The following RAPGEF4 variants were observed in gnomAD, a reference collection of about 807,000 sequenced individuals.
The protein encoded by RAPGEF4 is Rap guanine nucleotide exchange factor 4.
RAPGEF4 carries 66 observed loss-of-function variants against 147.9 expected under a neutral mutation model. The ratio of observed to expected loss-of-function variants is 0.45; its 90% confidence interval spans 0.37 to 0.55. The LOEUF is 0.55. RAPGEF4 is among the 20% of genes least tolerant of loss of function. The pLI is 0.00. For missense variants in RAPGEF4, 1,071 were observed against 1,257.3 expected, an observed-to-expected ratio of 0.85 and a Z score of 2.24; for synonymous variants, 419 against 442.7, an observed-to-expected ratio of 0.95 and a Z score of 0.67.
rs1253232284 is a variant in RAPGEF4, at chr2:173,052,413, A to G, written c.*646A>G. The G allele has an allele frequency of 6.6e-6, 1 of 152,670 alleles. No individual in the cohort carries two copies. The highest frequency in any genetic ancestry group is 2.4e-5 in the African/African-American group (1 of 41,468). The allele number at this position is 152,670 out of a possible 1,614,324, so 9.5% of individuals were successfully genotyped here. On this transcript the variant is annotated 3_prime_UTR_variant, in exon 31 of 31. Coordinates refer to ENST00000397081, the MANE Select transcript of RAPGEF4 (RefSeq NM_007023.4). ...ACAATGTAACTTTTCAAAATTTACAAATCAGGATTATATACATAAGAATTC... is the reference window on the plus strand; with the variant it reads ...ACAATGTAACTTTTCAAAATTTACAGATCAGGATTATATACATAAGAATTC...
chr2:172,816,778 T>C (rs1253929749), intron 4 of RAPGEF4, among the ~76,000 whole-genome samples: 2 of 152,182 alleles, frequency 1.3e-5, no homozygotes, highest in Non-Finnish European at 2.9e-5. Flanking sequence ...CATTTGGAAT[T>C]GACAGGAGTG....
At chr2:173,024,449 C>T (rs1239042554) in intron 23 of RAPGEF4, among the ~76,000 whole-genome samples, 2 of 140,444 alleles carry the variant, frequency 1.4e-5, no homozygotes, top group Non-Finnish European at 3.2e-5. Flanking sequence ...GATCTCCTGA[C>T]CTCGTGATCC....
intron 4 of RAPGEF4, among the ~76,000 whole-genome samples, chr2:172,887,218 A>C (rs1264740296): frequency 2.0e-5 from 3 of 151,998 alleles, no homozygotes; most frequent in Non-Finnish European, 4.4e-5. Flanking sequence ...GAAAAAAAGA[A>C]AAAAAAAGAA....
chr2:172,997,732 C>T (rs1322600567), intron 16 of RAPGEF4, among the ~76,000 whole-genome samples: 2 of 152,086 alleles, frequency 1.3e-5, no homozygotes, highest in Non-Finnish European at 2.9e-5. Context: ...CATAGAAGAG[C>T]CTTTCTCACT....
intron 26 of RAPGEF4, among the ~76,000 whole-genome samples, chr2:173,032,142 A>G (rs775701843): frequency 2.6e-5 from 4 of 152,066 alleles, no homozygotes; most frequent in Non-Finnish European, 5.9e-5. Flanking sequence ...GAGCACACAC[A>G]CTCTCTCAGC....
At chr2:172,778,314 C>A (rs746444867) in intron 1 of RAPGEF4, among the ~76,000 whole-genome samples, 10 of 152,122 alleles carry the variant, frequency 6.6e-5, no homozygotes, top group Non-Finnish European at 1.3e-4. Context: ...AGTTCTAGTT[C>A]CTTATGGGGA....
At chr2:172,816,890 A>T (rs1688567072) in intron 4 of RAPGEF4, among the ~76,000 whole-genome samples, 1 of 152,242 alleles carries the variant, frequency 6.6e-6, no homozygotes, top group South Asian at 2.1e-4. Flanking sequence ...TCATGCAACT[A>T]AGTGTAGAGT....
At chr2:172,959,996 A>C (rs1447571631) in intron 6 of RAPGEF4, among the ~76,000 whole-genome samples, 1 of 151,986 alleles carries the variant, frequency 6.6e-6, no homozygotes, top group Non-Finnish European at 1.5e-5. Flanking sequence ...GAGGTGGGAG[A>C]ATCTCTTGAG....
intron 5 of RAPGEF4, among the ~76,000 whole-genome samples, chr2:172,921,039 A>G (rs1684701774): frequency 6.6e-6 from 1 of 151,994 alleles, no homozygotes. Flanking sequence ...AGTCTCTTTC[A>G]TCCTCACCCC....
intron 6 of RAPGEF4, chr2:172,928,192 C>T (rs1269564584): frequency 2.2e-6 from 1 of 455,524 alleles, no homozygotes; most frequent in South Asian, 1.6e-5. Flanking sequence ...CTTCAGCTCT[C>T]CAGTCTCTGA....
At chr2:173,038,003 G>A (rs182947049) in intron 29 of RAPGEF4, among the ~76,000 whole-genome samples, 24 of 152,268 alleles carry the variant, frequency 1.6e-4, no homozygotes, top group Middle Eastern at 3.4e-3. Flanking sequence ...CGGGGAATGC[G>A]CTTATTGCAA....
chr2:172,957,400 A>G (rs55680938), intron 6 of RAPGEF4, among the ~76,000 whole-genome samples: 283 of 152,374 alleles, frequency 1.9e-3, no homozygotes, highest in African/African-American at 6.4e-3. Flanking sequence ...AATCTGACAC[A>G]AAGGCAATAA....
rs184754886 is a variant in RAPGEF4, at chr2:172,972,674, T to A, written c.1004+5230T>A. Among the ~76,000 whole-genome samples, 645 of 152,320 alleles carry A rather than the reference T, an allele frequency of 4.2e-3. 4 individuals are homozygous for A. Among genetic ancestry groups the A allele is most frequent in the Non-Finnish European group, 6.6e-3 (450 of 68,030 alleles). ...TTTATTCTTATTCCTCATATCCACA[T>A]GGCCTGAAACCAGCCATTGGATTGC... On this transcript the variant is annotated intron_variant, in intron 10 of 30. Transcript: ENST00000397081.
At chr2:173,001,404 G>T in intron 17 of RAPGEF4, 60 bp downstream of exon 17, 1 of 1,604,712 alleles carries the variant, frequency 6.2e-7, no homozygotes. Flanking sequence ...CCCTATCGAG[G>T]GCCATTCTTA....
At chr2:172,786,443 T>C (rs1238922815) in intron 1 of RAPGEF4, among the ~76,000 whole-genome samples, 1 of 152,180 alleles carries the variant, frequency 6.6e-6, no homozygotes, top group Non-Finnish European at 1.5e-5. Context: ...AGTAAAGCAG[T>C]ATAGTTTACT....
chr2:172,856,694 G>T (rs1248991368), intron 4 of RAPGEF4, among the ~76,000 whole-genome samples: 1 of 152,160 alleles, frequency 6.6e-6, no homozygotes, highest in South Asian at 2.1e-4. Flanking sequence ...CTTCACATAT[G>T]TATAGTACTG....
At chr2:172,953,680 T>C (rs1575356088) in intron 6 of RAPGEF4, among the ~76,000 whole-genome samples, 1 of 152,132 alleles carries the variant, frequency 6.6e-6, no homozygotes, top group South Asian at 2.1e-4. Flanking sequence ...TATTAAAGAT[T>C]AGTCATGTAC....
chr2:172,885,329 A>G (rs1697080095), intron 4 of RAPGEF4, among the ~76,000 whole-genome samples: 1 of 151,834 alleles, frequency 6.6e-6, no homozygotes, highest in Admixed American at 6.6e-5. Flanking sequence ...TCCCTTATCT[A>G]TGCCTCCTGA....
intron 29 of RAPGEF4, among the ~76,000 whole-genome samples, chr2:173,039,427 T>C (rs533645657): frequency 1.3e-5 from 2 of 151,156 alleles, no homozygotes; most frequent in South Asian, 2.1e-4. Context: ...ATTGCACCAC[T>C]GCGCTCCAGC....
Sources: gnomAD v4.1 joint callset for allele counts (sites outside exome capture counted in the v4.1 genomes callset) on GRCh38, gnomAD v4.1.1 for gene constraint, MANE v1.5 for transcripts, NCBI Gene and HGNC (gene_info 2026-07-23, HGNC 2026-07-21) for gene names.